SOX6: variants seen among roughly 807,000 people sequenced by gnomAD.
SOX6 encodes SRY-box transcription factor 6, also known as transcription factor SOX-6.
A neutral mutation model predicts 97.8 loss-of-function variants in SOX6; 11 were observed. The ratio of observed to expected loss-of-function variants is 0.11; its 90% CI spans 0.07 to 0.19. The LOEUF (loss-of-function observed/expected upper bound fraction) is 0.19. SOX6 is among the 10% of genes least tolerant of loss of function. SOX6 has a pLI of 1.00. For synonymous variants in SOX6, 360 were observed against 371.4 expected (o/e 0.97, Z 0.35); for missense variants, 810 against 1,039.5 (o/e 0.78, Z 3.04).
chr11:16,385,113 A>G (rs1377553777), intron 1 of SOX6, among the ~76,000 whole-genome samples: 1 of 152,128 alleles, frequency 6.6e-6, no homozygotes, highest in Non-Finnish European at 1.5e-5. Flanking sequence ...TATCAGAAGT[A>G]ATAGTACAGG....
intron 4 of SOX6, among the ~76,000 whole-genome samples, chr11:16,224,977 C>T (rs904093852): frequency 6.6e-6 from 1 of 151,940 alleles, no homozygotes; most frequent in Non-Finnish European, 1.5e-5. Flanking sequence ...TTCTATGATT[C>T]TAGATATTAC....
At chr11:16,351,199 C>T (rs571808331) in intron 1 of SOX6, among the ~76,000 whole-genome samples, 19 of 151,924 alleles carry the variant, frequency 1.3e-4, no homozygotes, top group African/African-American at 4.1e-4. Context: ...TCCTCAATAC[C>T]TCCCCTCATT....
Position 16,341,051 on chromosome 11 carries a change from A to G in SOX6, c.198T>C (p.Asp66=), listed in dbSNP as rs756950448. The G allele has an allele frequency of 5.0e-6, 8 of 1,613,474 alleles. No individual in the cohort carries two copies. The highest frequency in any genetic ancestry group is 6.8e-6 in the Non-Finnish European group (8 of 1,179,526). The change falls in exon 2 of 16, where the codon GAT becomes GAC. Residue 66 remains aspartate, a synonymous_variant. Coordinates refer to ENST00000683767, the MANE Select transcript of SOX6 (RefSeq NM_001367873.1). ...LPTLVSTIQQ[D]ADWDSVLSSQ... ...ATGACAGAACGCTGTCCCAGTCAGCATCTTGTTGAATGGTACTGACAAGTG... is the reference window on the plus strand; with the variant it reads ...ATGACAGAACGCTGTCCCAGTCAGCGTCTTGTTGAATGGTACTGACAAGTG...
At chr11:16,505,514 C>G (rs1268928786) in intron 4 of SOX6, among the ~76,000 whole-genome samples, 1 of 152,090 alleles carries the variant, frequency 6.6e-6, no homozygotes, top group Admixed American at 6.6e-5. Context: ...AAATTTGCAG[C>G]CTGGCCATGT....
intron 4 of SOX6, among the ~76,000 whole-genome samples, chr11:16,227,657 A>G (rs1283375068): frequency 1.3e-5 from 2 of 152,140 alleles, no homozygotes; most frequent in Non-Finnish European, 2.9e-5. Flanking sequence ...GTCCAATCTT[A>G]TCAATGTCAC....
At chr11:16,510,658 G>T (rs1432954630) in intron 4 of SOX6, among the ~76,000 whole-genome samples, 1 of 151,882 alleles carries the variant, frequency 6.6e-6, no homozygotes, top group Non-Finnish European at 1.5e-5. Flanking sequence ...ATCTTTTTAT[G>T]TTAAATTATG....
At chr11:16,291,403 G>A (rs1854915126) in intron 3 of SOX6, among the ~76,000 whole-genome samples, 1 of 136,212 alleles carries the variant, frequency 7.3e-6, no homozygotes, top group African/African-American at 2.6e-5. Flanking sequence ...ATAAATGAGT[G>A]AAAGGAAGGA....
intron 4 of SOX6, among the ~76,000 whole-genome samples, chr11:16,562,580 T>C (rs1003636726): frequency 6.6e-6 from 1 of 151,816 alleles, no homozygotes; most frequent in African/African-American, 2.4e-5. Flanking sequence ...AGAATTCCAC[T>C]CTCTCACGGC....
At chr11:16,719,558 TA>T (rs1848243783) in intron 2 of SOX6, among the ~76,000 whole-genome samples, 1 of 152,228 alleles carries the variant, frequency 6.6e-6, no homozygotes, top group African/African-American at 2.4e-5. Flanking sequence ...TAGAAATGTT[TA>T]GTAAAGTTTT....
rs1036321989 is a variant in SOX6, at chr11:16,388,636, G to A, written c.-4-47384C>T. ...TAAGAAATTTGTTTGTTTCATCTTA[G>A]TTGTATAACTTTTTGGCATACAGAT... On this transcript the variant is annotated intron_variant, in intron 1 of 15. Transcript: ENST00000396356. Among the ~76,000 whole-genome samples the A allele has an allele frequency of 8.2e-4, 124 of 151,726 alleles. 4 individuals carry two copies. Among genetic ancestry groups the A allele is most frequent in the Non-Finnish European group, 3.1e-4 (21 of 67,926 alleles).
chr11:16,299,543 CT>C (rs915640555), intron 3 of SOX6, among the ~76,000 whole-genome samples: 1 of 151,864 alleles, frequency 6.6e-6, no homozygotes, highest in Non-Finnish European at 1.5e-5. Flanking sequence ...ATTTAACATT[CT>C]TTTTTTTAAA....
At chr11:16,228,390 A>G (rs1852745940) in intron 4 of SOX6, among the ~76,000 whole-genome samples, 1 of 152,178 alleles carries the variant, frequency 6.6e-6, no homozygotes, top group Non-Finnish European at 1.5e-5. Context: ...ATTTATGCCA[A>G]TTATAGCATT....
intron 9 of SOX6, 139 bp downstream of exon 9, chr11:16,095,855 TTA>T: frequency 9.9e-7 from 1 of 1,006,340 alleles, no homozygotes; most frequent in Middle Eastern, 2.2e-4. Context: ...AAGAGCCTCC[TTA>T]GGAATGAGAA....
At chr11:16,441,834 A>G (rs547586097) in intron 1 of SOX6, among the ~76,000 whole-genome samples, 11 of 152,300 alleles carry the variant, frequency 7.2e-5, no homozygotes, top group Non-Finnish European at 1.6e-4. Flanking sequence ...ACAGCTCCAG[A>G]AACACGCCGG....
At chr11:16,612,736 T>TC (rs370904725) in intron 3 of SOX6, among the ~76,000 whole-genome samples, 211 of 151,678 alleles carry the variant, frequency 1.4e-3, no homozygotes, top group African/African-American at 4.7e-3. Context: ...GGTCCATTTC[T>TC]CCCCCACGTC....
intron 1 of SOX6, among the ~76,000 whole-genome samples, chr11:16,393,849 G>A (rs961576199): frequency 6.6e-6 from 1 of 151,940 alleles, no homozygotes; most frequent in Non-Finnish European, 1.5e-5. Flanking sequence ...GACAACTTAC[G>A]AAGGACATCC....
At chr11:16,133,199 T>C (rs1159933210) in intron 6 of SOX6, among the ~76,000 whole-genome samples, 2 of 152,204 alleles carry the variant, frequency 1.3e-5, no homozygotes, top group East Asian at 1.9e-4. Flanking sequence ...CCTAAACAAA[T>C]GGGGCACACC....
intron 9 of SOX6, among the ~76,000 whole-genome samples, chr11:16,084,929 T>G (rs1848545307): frequency 6.6e-6 from 1 of 152,180 alleles, no homozygotes; most frequent in African/African-American, 2.4e-5. Flanking sequence ...TGTTCTGCAT[T>G]TAAGAAATGC....
intron 6 of SOX6, among the ~76,000 whole-genome samples, chr11:16,119,256 T>C (rs891246299): frequency 6.6e-6 from 1 of 152,178 alleles, no homozygotes; most frequent in African/African-American, 2.4e-5. Context: ...CCACAGTACA[T>C]GGACTTATAG....
Sources: gnomAD v4.1 joint callset for allele counts (sites outside exome capture counted in the v4.1 genomes callset) on GRCh38, gnomAD v4.1.1 for gene constraint, MANE v1.5 for transcripts, NCBI Gene and HGNC (gene_info 2026-07-23, HGNC 2026-07-21) for gene names.